ABLIM1: variants seen among roughly 807,000 people sequenced by gnomAD.
The protein encoded by ABLIM1 is actin-binding LIM protein 1.
ABLIM1 carries 40 observed loss-of-function variants against 107.0 expected under a neutral mutation model. The observed-to-expected ratio is 0.37, with a 90% CI of 0.29 to 0.49. The LOEUF (loss-of-function observed/expected upper bound fraction) is 0.49, where lower values mean the gene tolerates loss of function less well. ABLIM1 is among the 20% of genes least tolerant of loss of function. ABLIM1 has a pLI of 0.97. For missense variants in ABLIM1, 857 were observed against 1,008.5 expected, an observed-to-expected ratio of 0.85 and a Z score of 2.04; for synonymous variants, 357 against 357.3, an observed-to-expected ratio of 1.00 and a Z score of 0.01.
intron 1 of ABLIM1, among the ~76,000 whole-genome samples, chr10:114,744,831 T>C (rs1334997695): frequency 6.6e-6 from 1 of 152,130 alleles, no homozygotes; most frequent in African/African-American, 2.4e-5. Context: ...AAATTCCCAA[T>C]TGAAAGCTCC....
At chr10:114,743,105 T>C (rs1266412342) in intron 1 of ABLIM1, among the ~76,000 whole-genome samples, 1 of 152,156 alleles carries the variant, frequency 6.6e-6, no homozygotes, top group African/African-American at 2.4e-5. Flanking sequence ...TTAATATGGT[T>C]ATATTTGAGG....
intron 4 of ABLIM1, among the ~76,000 whole-genome samples, chr10:114,560,762 T>A (rs1205143696): frequency 6.6e-6 from 1 of 152,044 alleles, no homozygotes; most frequent in Non-Finnish European, 1.5e-5. Flanking sequence ...TGATACTAAA[T>A]AAAGAAGCCA....
At chr10:114,732,180 C>CTTTTTT (rs113276247) in intron 1 of ABLIM1, among the ~76,000 whole-genome samples, 465 of 109,840 alleles carry the variant, frequency 4.2e-3, no homozygotes, top group Non-Finnish European at 6.1e-3. Flanking sequence ...CTTTTCTTTT[C>CTTTTTT]TTTTTTTTTT....
chr10:114,731,674 A>T (rs1006667540), intron 1 of ABLIM1, among the ~76,000 whole-genome samples: 3 of 150,738 alleles, frequency 2.0e-5, no homozygotes, highest in Non-Finnish European at 4.4e-5. Context: ...CTAGGTTCAA[A>T]CCTTGGCTCA....
intron 4 of ABLIM1, among the ~76,000 whole-genome samples, chr10:114,557,758 C>A (rs570873388): frequency 1.5e-5 from 2 of 137,288 alleles, no homozygotes; most frequent in South Asian, 4.8e-4. Flanking sequence ...TCTTAGCAAA[C>A]TCCCCTTAAA....
At chr10:114,729,227 A>G (rs1293911334) in intron 1 of ABLIM1, among the ~76,000 whole-genome samples, 2 of 152,100 alleles carry the variant, frequency 1.3e-5, no homozygotes, top group East Asian at 3.9e-4. Context: ...TCCAAAGCCA[A>G]TGTTCTCCAC....
At chr10:114,789,830 C>T in the ABLIM1 span, among the ~76,000 whole-genome samples, 1 of 151,692 alleles carries the variant, frequency 6.6e-6, no homozygotes, top group African/African-American at 2.4e-5. Context: ...CACTCTATCC[C>T]CCAGGCTGAA....
At chr10:114,639,673 A>G (rs2078648291) in intron 1 of ABLIM1, among the ~76,000 whole-genome samples, 1 of 152,240 alleles carries the variant, frequency 6.6e-6, no homozygotes, top group Non-Finnish European at 1.5e-5. Context: ...GAAGATGTTC[A>G]TGCTCAGAAG....
chr10:114,627,599 A>G (rs1336568451), intron 1 of ABLIM1, among the ~76,000 whole-genome samples: 1 of 152,202 alleles, frequency 6.6e-6, no homozygotes, highest in East Asian at 1.9e-4. Context: ...AGAATCCTAA[A>G]GGAAAAGAAA....
chr10:114,599,978 C>T (rs958363919), intron 2 of ABLIM1, among the ~76,000 whole-genome samples: 1 of 151,872 alleles, frequency 6.6e-6, no homozygotes, highest in African/African-American at 2.4e-5. Context: ...AACTAGAAAA[C>T]ATTTTTTCTC....
At chr10:114,598,299 A>AATGTGCG in intron 2 of ABLIM1, among the ~76,000 whole-genome samples, 1 of 137,646 alleles carries the variant, frequency 7.3e-6, no homozygotes, top group East Asian at 2.0e-4. Flanking sequence ...AAAAAAAGGA[A>AATGTGCG]ATGTGCGGCC....
At chr10:114,565,961 AT>A (rs2070679894) in intron 4 of ABLIM1, among the ~76,000 whole-genome samples, 1 of 151,436 alleles carries the variant, frequency 6.6e-6, no homozygotes, top group African/African-American at 2.4e-5. Flanking sequence ...TGCCTCGCTA[AT>A]TTTTTTGTAT....
intron 1 of ABLIM1, among the ~76,000 whole-genome samples, chr10:114,612,712 C>T (rs1255042486): frequency 1.3e-5 from 2 of 152,206 alleles, no homozygotes; most frequent in African/African-American, 4.8e-5. Flanking sequence ...TCAGTCTAAA[C>T]TCTGCCGGCA....
chr10:114,793,159 A>T, the ABLIM1 span, among the ~76,000 whole-genome samples: 1 of 152,294 alleles, frequency 6.6e-6, no homozygotes, highest in African/African-American at 2.4e-5. Context: ...CTCAAAAAAA[A>T]TAAAAAGAAA....
intron 1 of ABLIM1, among the ~76,000 whole-genome samples, chr10:114,657,733 C>A (rs140802168): frequency 6.6e-6 from 1 of 152,288 alleles, no homozygotes; most frequent in East Asian, 1.9e-4. Context: ...ACATTTGTTA[C>A]TGAAGATCAT....
chr10:114,569,554 G>A (rs975182510), intron 4 of ABLIM1, among the ~76,000 whole-genome samples: 3 of 152,102 alleles, frequency 2.0e-5, no homozygotes, highest in African/African-American at 4.8e-5. Flanking sequence ...TCCTGACCTC[G>A]TGATCTGCCC....
Position 114,725,415 on chromosome 10 carries a change from AT to A in ABLIM1, c.-213+42645del, listed in dbSNP as rs1414793717. 5.3e-5 allele frequency among the ~76,000 whole-genome samples: 8 copies of A among 152,326 alleles called. No homozygotes were observed. The South Asian group carries it at 1.5e-3, about 28-fold the overall frequency. On this transcript the variant is annotated intron_variant, in intron 1 of 15. Transcript: ENST00000651092. ...TAGACCATCTATACAATAAATTCAT[AT>A]TTATGAACAAGGAGCCAGCATACCT...
chr10:114,500,953 T>A (rs976246169), intron 6 of ABLIM1, among the ~76,000 whole-genome samples: 1 of 124,208 alleles, frequency 8.1e-6, no homozygotes, highest in Non-Finnish European at 1.6e-5. Context: ...TTCATAACTC[T>A]ACACCTCCAT....
rs778408607 is a variant in ABLIM1 at position 114,707,849 on chromosome 10, G to A, written c.-213+60212C>T. ...ATGGGAGACAGAGGTTGCAGTGAGC[G>A]GAGATTGCACCATTGCACTCTAGCC... On this transcript the variant is annotated intron_variant, in intron 1 of 15. Coordinates refer to the ABLIM1 transcript ENST00000651092. The surrounding 1 kb of genome is among the most constrained non-coding windows in gnomAD (Gnocchi z 4.1). 1.3e-5 allele frequency among the ~76,000 whole-genome samples: 2 copies of A among 151,992 alleles called. No homozygotes were observed. The highest frequency in any genetic ancestry group is 2.9e-5 in the Non-Finnish European group (2 of 67,984).
Sources: allele counts gnomAD v4.1 joint callset (sites outside exome capture counted in the v4.1 genomes callset), GRCh38; gene constraint gnomAD v4.1.1; non-coding constraint Gnocchi (gnomAD v3.1); transcripts MANE v1.5; gene names NCBI Gene and HGNC (gene_info 2026-07-23, HGNC 2026-07-21).